ATG101: variants seen among roughly 807,000 people sequenced by gnomAD.
The protein encoded by ATG101 is autophagy-related protein 101.
In ATG101, 6 loss-of-function variants were observed where a neutral mutation model predicts 16.7. The ratio of observed to expected loss-of-function variants is 0.36; its 90% CI spans 0.20 to 0.71. The LOEUF is 0.71. ATG101 is among the 30% of genes least tolerant of loss of function. The pLI is 0.57. For missense variants in ATG101, 200 were observed against 292.5 expected (o/e 0.68, Z 2.31); for synonymous variants, 108 against 118.1 (o/e 0.91, Z 0.56).
chr12:52,076,898 G>C lies in ATG101; in HGVS notation c.365G>C (p.Trp122Ser). Residue 122 changes from tryptophan (W) to serine (S), a missense_variant, in exon 4 of 4, where the codon TGG (tryptophan) becomes TCG (serine). Physicochemically the swap from Trp to Ser is radical, Grantham distance 177. Coordinates refer to ENST00000336854, the MANE Select transcript of ATG101 (RefSeq NM_021934.5). Reference protein sequence around the residue: ...FSDECIPWEVWTVKVHVVALA... With the variant: ...FSDECIPWEVSTVKVHVVALA... Reference sequence around the variant, plus strand: ...GACGAGTGCATCCCATGGGAAGTGTGGACGGTCAAGGTGCATGTGGTAGCC... The same window carrying C: ...GACGAGTGCATCCCATGGGAAGTGTCGACGGTCAAGGTGCATGTGGTAGCC... 1 of 1,614,196 alleles carries C rather than the reference G, an allele frequency of 6.2e-7. No homozygotes were observed. Among genetic ancestry groups the C allele is most frequent in the Non-Finnish European group, 8.5e-7 (1 of 1,180,036 alleles).
At chr12:52,067,847 C>T (rs1231278699), upstream of ATG101, among the ~76,000 whole-genome samples, 5 of 151,732 alleles carry the variant, frequency 3.3e-5, no homozygotes, top group South Asian at 2.1e-4. Context: ...CCACCTGCCT[C>T]GGCCTCCCAA....
chr12:52,075,937 A>G (rs921435629), intron 3 of ATG101, among the ~76,000 whole-genome samples: 2 of 152,192 alleles, frequency 1.3e-5, no homozygotes, highest in Admixed American at 6.5e-5. Flanking sequence ...AAGCAGGAGT[A>G]TTGCTTGAGC....
upstream of ATG101, among the ~76,000 whole-genome samples, chr12:52,068,979 A>T (rs1939587401): frequency 8.3e-6 from 1 of 120,160 alleles, no homozygotes; most frequent in Non-Finnish European, 1.6e-5. Context: ...CGACAGAGCG[A>T]GACGCCGTCT....
upstream of ATG101, among the ~76,000 whole-genome samples, chr12:52,067,891 C>T (rs116377453): frequency 0.019 from 2,816 of 151,798 alleles, 55 homozygotes; most frequent in African/African-American, 0.057. Flanking sequence ...CCACCATGCC[C>T]GGCCCAATTT....
chr12:52,073,636 G>T lies in ATG101; in HGVS notation c.-15G>T. 6.2e-7 allele frequency: 1 copy of T among 1,608,566 alleles called. No individual in the cohort carries two copies. Among genetic ancestry groups the T allele is most frequent in the Non-Finnish European group, 8.5e-7 (1 of 1,175,898 alleles). On this transcript the variant is annotated 5_prime_UTR_variant, in exon 3 of 4. Transcript: ENST00000336854. ...ATCCTAGTTCCACACCTTGGTGTGG[G>T]TTACTGGGTGCAGGATGAACTGTCG...
At position 52,070,480 on chromosome 12, in the gene ATG101, C is replaced by CAAGGTGGGA. The variant is rs1939626171; in HGVS notation, c.-78_-77+7dup. Reference sequence around the variant, plus strand: ...GAATCCGTGCTCCAAACTCTACACTCAAGGTGGGAATGGGCGCACCCTGTG... The same window carrying CAAGGTGGGA: ...GAATCCGTGCTCCAAACTCTACACTCAAGGTGGGAAAGGTGGGAATGGGCGCACCCTGTG... On this transcript the variant is annotated 5_prime_UTR_variant, in exon 2 of 4. Transcript: ENST00000336854. 1 of 152,626 alleles carries CAAGGTGGGA rather than the reference C, an allele frequency of 6.6e-6. No homozygotes were observed. The highest frequency in any genetic ancestry group is 6.5e-5 in the Admixed American group (1 of 15,282). The allele number at this position is 152,626 out of a possible 1,614,324, so 9.5% of individuals were successfully genotyped here.
intron 2 of ATG101, among the ~76,000 whole-genome samples, chr12:52,072,319 A>C (rs1395435568): frequency 6.6e-6 from 1 of 152,188 alleles, no homozygotes; most frequent in East Asian, 1.9e-4. Context: ...CCACTATTCT[A>C]CTGTATTTTA....
upstream of ATG101, among the ~76,000 whole-genome samples, chr12:52,065,519 C>G (rs1415826382): frequency 7.8e-6 from 1 of 127,456 alleles, no homozygotes; most frequent in Non-Finnish European, 1.6e-5. Flanking sequence ...ACTCCCTCCC[C>G]TCCCTGATGG....
At chr12:52,076,737 G>A in intron 3 of ATG101, 49 bp from the exon 4 acceptor site, 1 of 1,587,246 alleles carries the variant, frequency 6.3e-7, no homozygotes, top group African/African-American at 1.3e-5. Flanking sequence ...GGCCCTCACA[G>A]GTGGGAACTC....
chr12:52,068,205 C>A (rs1412916334), upstream of ATG101, among the ~76,000 whole-genome samples: 1 of 150,142 alleles, frequency 6.7e-6, no homozygotes, highest in African/African-American at 2.5e-5. Flanking sequence ...TGACACCACA[C>A]CTGGCTTTTT....
chr12:52,068,477 T>C (rs1939574883), upstream of ATG101, among the ~76,000 whole-genome samples: 1 of 151,944 alleles, frequency 6.6e-6, no homozygotes, highest in Non-Finnish European at 1.5e-5. Flanking sequence ...CCTCAGCCTC[T>C]GAAGTAGCTG....
At chr12:52,067,991 C>T (rs1052079115), upstream of ATG101, among the ~76,000 whole-genome samples, 1 of 151,792 alleles carries the variant, frequency 6.6e-6, no homozygotes, top group Non-Finnish European at 1.5e-5. Context: ...TCCATTCCAC[C>T]TAATAAATGT....
At chr12:52,066,096 C>T (rs980090375), upstream of ATG101, among the ~76,000 whole-genome samples, 23 of 152,220 alleles carry the variant, frequency 1.5e-4, no homozygotes, top group African/African-American at 3.4e-4. Context: ...AGGCTGGTCT[C>T]GAACTCCCGA....
rs551305648 is a variant in ATG101, at chr12:52,075,047, C to T, written c.252+1145C>T. ...CTAAAGGCTGGTCTTGAATTACTGG[C>T]ATGAGCCTGAAGGCATCTGCTCTGG... is the stretch of plus-strand genomic sequence containing the variant. On this transcript the variant is annotated intron_variant, in intron 3 of 3. Transcript: ENST00000336854. 1.2e-4 allele frequency among the ~76,000 whole-genome samples: 18 copies of T among 152,296 alleles called. No homozygotes were observed. The South Asian group carries it at 3.5e-3, about 30-fold the overall frequency.
Position 52,077,410 on chromosome 12 carries a change from C to T in ATG101, c.*220C>T, listed in dbSNP as rs1939751933. ...CTGCCTCTACTGTCTCTCCATAGCC[C>T]TGGTGGGGTCCCCCTTCTTTCTCCA... On this transcript the variant is annotated 3_prime_UTR_variant, in exon 4 of 4. Coordinates refer to ENST00000336854, the MANE Select transcript of ATG101 (RefSeq NM_021934.5). 2 of 592,436 alleles carry T rather than the reference C, an allele frequency of 3.4e-6. No individual in the cohort carries two copies. The allele number at this position is 592,436 out of a possible 1,614,324, so 36.7% of individuals were successfully genotyped here.
intron 3 of ATG101, 71 bp downstream of exon 3, chr12:52,073,973 C>T (rs890326505): frequency 1.9e-6 from 3 of 1,575,064 alleles, no homozygotes; most frequent in Non-Finnish European, 2.6e-6. Context: ...AGTGCTCCTC[C>T]ACTCCAGCTT....
At chr12:52,073,426 C>A (rs964985112) in intron 2 of ATG101, 149 bp from the exon 3 acceptor site, 9 of 559,118 alleles carry the variant, frequency 1.6e-5, no homozygotes, top group Non-Finnish European at 2.5e-5. Flanking sequence ...ACTTTCTGAT[C>A]CTGAGACTTG....
upstream of ATG101, among the ~76,000 whole-genome samples, chr12:52,066,314 T>G (rs1273285047): frequency 1.3e-5 from 2 of 152,212 alleles, no homozygotes. Flanking sequence ...AGGAAAATAC[T>G]AATGTCCCAG....
upstream of ATG101, among the ~76,000 whole-genome samples, chr12:52,067,120 A>G (rs1824343109): frequency 1.3e-5 from 2 of 152,180 alleles, no homozygotes; most frequent in African/African-American, 4.8e-5. Context: ...GGAGCAGATG[A>G]TGGTGGAAAG....
Sources: gnomAD v4.1 joint callset for allele counts (sites outside exome capture counted in the v4.1 genomes callset) on GRCh38, gnomAD v4.1.1 for gene constraint, MANE v1.5 for transcripts, NCBI Gene and HGNC (gene_info 2026-07-23, HGNC 2026-07-21) for gene names.